Variants in SNX29 observed in about 807,000 individuals in gnomAD.
SNX29 encodes sorting nexin-29.
SNX29 carries 78 observed loss-of-function variants against 102.1 expected under a neutral mutation model. The ratio of observed to expected loss-of-function variants is 0.76; its 90% CI spans 0.64 to 0.92. SNX29 has a LOEUF of 0.92. Among genes scored for constraint, SNX29 ranks in the 40% least tolerant of loss-of-function variants. SNX29 has a pLI of 0.00. For missense variants in SNX29, 1,280 were observed against 1,061.7 expected, an observed-to-expected ratio of 1.21 and a Z score of -2.86; for synonymous variants, 580 against 414.5, an observed-to-expected ratio of 1.40 and a Z score of -4.85.
chr16:12,257,090 C>T lies in SNX29; in HGVS notation c.1679-20843C>T, dbSNP rs567200109. 2.0e-5 allele frequency among the ~76,000 whole-genome samples: 3 copies of T among 152,284 alleles called. 1 individual carries two copies. In the South Asian group the frequency reaches 6.2e-4, roughly 32 times the overall value. ...CTCTAGGGGAGAATTCCTTTCCTTG[C>T]TCATTCCGTTGTTGACAGAATCCAG... On this transcript the variant is annotated intron_variant, in intron 14 of 20. Transcript: ENST00000566228.
intron 18 of SNX29, among the ~76,000 whole-genome samples, chr16:12,427,397 A>G (rs1202308009): frequency 6.6e-6 from 1 of 152,148 alleles, no homozygotes; most frequent in Non-Finnish European, 1.5e-5. Context: ...GATAGGAACC[A>G]ACAATGGCTT....
At chr16:12,140,770 G>C (rs1479618625) in intron 13 of SNX29, among the ~76,000 whole-genome samples, 2 of 152,024 alleles carry the variant, frequency 1.3e-5, no homozygotes, top group Non-Finnish European at 2.9e-5. Context: ...TAGATATTTC[G>C]GTCTGATATA....
intron 4 of SNX29, among the ~76,000 whole-genome samples, chr16:12,029,038 G>A (rs1352894675): frequency 6.6e-6 from 1 of 152,020 alleles, no homozygotes; most frequent in Non-Finnish European, 1.5e-5. Context: ...AAGCCACTGC[G>A]CCTGGCCTTG....
At chr16:12,414,316 G>C (rs1464225805) in intron 18 of SNX29, among the ~76,000 whole-genome samples, 1 of 152,210 alleles carries the variant, frequency 6.6e-6, no homozygotes, top group East Asian at 1.9e-4. Flanking sequence ...CGAGGCTGCA[G>C]TGAGCTATGA....
At position 12,057,818 on chromosome 16, in the gene SNX29, A is replaced by G. The variant is rs28444372; in HGVS notation, c.1125-3710A>G. 6.9e-4 allele frequency among the ~76,000 whole-genome samples: 48 copies of G among 69,850 alleles called. 1 individual carries two copies. The highest frequency in any genetic ancestry group is 3.5e-4 in the Admixed American group (3 of 8,688). 45.8% of individuals were successfully genotyped at this position (69,850 alleles called of 152,430 possible). On this transcript the variant is annotated intron_variant, in intron 8 of 20. Coordinates refer to ENST00000566228, the MANE Select transcript of SNX29 (RefSeq NM_032167.5). The stretch of plus-strand genomic sequence containing the variant: ...ACATATACATATATATATATATTTT[A>G]TATATATATTTTTTTTTGAGCTGGG...
At chr16:12,166,316 C>T (rs3844114) in intron 13 of SNX29, among the ~76,000 whole-genome samples, 24,426 of 152,100 alleles carry the variant, frequency 0.16, 2,136 homozygotes, top group East Asian at 0.27. Context: ...CCATGATGGG[C>T]ATTCAGAGCA....
intron 20 of SNX29, among the ~76,000 whole-genome samples, chr16:12,562,303 G>T (rs532682745): frequency 3.3e-5 from 5 of 152,158 alleles, no homozygotes; most frequent in Non-Finnish European, 5.9e-5. Context: ...AAACGTTATC[G>T]TTGGCTTTGT....
chr16:12,228,135 C>T (rs1240272607), intron 14 of SNX29, among the ~76,000 whole-genome samples: 1 of 152,106 alleles, frequency 6.6e-6, no homozygotes, highest in African/African-American at 2.4e-5. Flanking sequence ...AATGTCAGAC[C>T]TTACCGTCTC....
At chr16:12,398,522 C>G in intron 17 of SNX29, 21 bp downstream of exon 17, 1 of 1,613,858 alleles carries the variant, frequency 6.2e-7, no homozygotes, top group East Asian at 2.2e-5. Context: ...AGCCTGTGCT[C>G]ACAAGGGGTC....
chr16:12,139,120 C>T (rs558416463), intron 13 of SNX29, among the ~76,000 whole-genome samples: 2 of 143,708 alleles, frequency 1.4e-5, no homozygotes, highest in South Asian at 2.2e-4. Flanking sequence ...ATCACTTGGG[C>T]CCAGGAGGCA....
intron 15 of SNX29, among the ~76,000 whole-genome samples, chr16:12,340,098 A>G (rs1343181327): frequency 6.6e-6 from 1 of 152,254 alleles, no homozygotes. Context: ...TTTAAATCCA[A>G]GACATAATGA....
chr16:12,333,137 G>A (rs1188705358), intron 15 of SNX29, among the ~76,000 whole-genome samples: 1 of 123,384 alleles, frequency 8.1e-6, no homozygotes, highest in Non-Finnish European at 1.6e-5. Flanking sequence ...GCAGAGTCTT[G>A]TTCTGTTGTC....
At chr16:12,416,696 G>A (rs1036846940) in intron 18 of SNX29, among the ~76,000 whole-genome samples, 2 of 152,196 alleles carry the variant, frequency 1.3e-5, no homozygotes, top group African/African-American at 4.8e-5. Context: ...ATGGTGGAAG[G>A]TGCAGGGGGA....
intron 18 of SNX29, among the ~76,000 whole-genome samples, chr16:12,411,817 A>T (rs1236224296): frequency 6.6e-6 from 1 of 152,220 alleles, no homozygotes; most frequent in Non-Finnish European, 1.5e-5. Context: ...GTGTGATGAC[A>T]TATGAAATGC....
chr16:12,550,080 G>A (rs1041507850), intron 20 of SNX29, among the ~76,000 whole-genome samples: 2 of 152,204 alleles, frequency 1.3e-5, no homozygotes, highest in African/African-American at 4.8e-5. Flanking sequence ...TTTATAGGAA[G>A]TTTGCCAACC....
intron 19 of SNX29, among the ~76,000 whole-genome samples, chr16:12,486,888 G>T (rs1042657227): frequency 2.6e-5 from 4 of 152,126 alleles, no homozygotes; most frequent in African/African-American, 9.7e-5. Context: ...TCCTAAACTT[G>T]TGGGGTGACA....
chr16:12,562,284 C>G (rs976432871), intron 20 of SNX29, among the ~76,000 whole-genome samples: 1 of 152,288 alleles, frequency 6.6e-6, no homozygotes, highest in South Asian at 2.1e-4. Context: ...CACGCTCTAT[C>G]CCAGCATCAA....
chr16:12,018,537 C>T (rs915784727), intron 3 of SNX29, among the ~76,000 whole-genome samples: 1 of 150,260 alleles, frequency 6.7e-6, no homozygotes, highest in African/African-American at 2.4e-5. Context: ...GAGCCGAGAT[C>T]GTGTCACTGC....
At chr16:12,539,563 T>G (rs1480650549) in intron 20 of SNX29, among the ~76,000 whole-genome samples, 8 of 152,202 alleles carry the variant, frequency 5.3e-5, no homozygotes, top group Admixed American at 4.6e-4. Context: ...GTGCAGCTTT[T>G]TGTGTGAACA....
Sources: gnomAD v4.1 joint callset for allele counts (sites outside exome capture counted in the v4.1 genomes callset) on GRCh38, gnomAD v4.1.1 for gene constraint, MANE v1.5 for transcripts, NCBI Gene and HGNC (gene_info 2026-07-23, HGNC 2026-07-21) for gene names.